METTL15: variants seen among roughly 807,000 people sequenced by gnomAD.
The protein encoded by METTL15 is 12S rRNA N(4)-cytidine methyltransferase METTL15.
METTL15 carries 34 observed loss-of-function variants against 38.3 expected under a neutral mutation model. That is an observed-to-expected ratio of 0.89 (90% confidence interval 0.68 to 1.18). The LOEUF is 1.18. Ranked by LOEUF, METTL15 falls within the 50% of genes most tolerant of loss-of-function variation. The pLI is 0.00. For synonymous variants in METTL15, 162 were observed against 170.9 expected (o/e 0.95, Z 0.41); for missense variants, 438 against 498.4 (o/e 0.88, Z 1.15).
Position 28,486,629 on chromosome 11 carries a change from G to A in METTL15, c.*425-39849G>A, listed in dbSNP as rs77203494. On this transcript the variant is annotated intron_variant and NMD_transcript_variant, in intron 6 of 7. Coordinates refer to the METTL15 transcript ENST00000532947. ...CATCTGCCCTTTAGGCCATCTATGT[G>A]GTTGCCCAGAAGTAACCTCTCATTG... Among the ~76,000 whole-genome samples the A allele has an allele frequency of 5.3e-3, 811 of 152,226 alleles. 5 individuals carry two copies. The highest frequency in any genetic ancestry group is 0.019 in the African/African-American group (782 of 41,534).
chr11:28,471,630 G>C (rs1851303868), intron 6 of METTL15, among the ~76,000 whole-genome samples: 1 of 151,950 alleles, frequency 6.6e-6, no homozygotes, highest in Non-Finnish European at 1.5e-5. Context: ...TAAATCTTTT[G>C]TCATCTCTGG....
chr11:28,487,828 G>A (rs939425946), intron 6 of METTL15, among the ~76,000 whole-genome samples: 2 of 152,092 alleles, frequency 1.3e-5, no homozygotes, highest in Non-Finnish European at 2.9e-5. Context: ...ATTGCATGAA[G>A]TATTAGAAAT....
intron 6 of METTL15, among the ~76,000 whole-genome samples, chr11:28,486,823 C>G (rs1341443243): frequency 1.3e-5 from 2 of 152,148 alleles, no homozygotes; most frequent in African/African-American, 4.8e-5. Context: ...CATGTGGACA[C>G]TGTTCACCTT....
chr11:28,466,920 C>T (rs534792142), intron 6 of METTL15, among the ~76,000 whole-genome samples: 1 of 152,296 alleles, frequency 6.6e-6, no homozygotes, highest in African/African-American at 2.4e-5. Flanking sequence ...AAAACTACCA[C>T]AGCACACATA....
At chr11:28,346,287 C>T (rs1190222661) in intron 3 of METTL15, among the ~76,000 whole-genome samples, 1 of 152,168 alleles carries the variant, frequency 6.6e-6, no homozygotes, top group South Asian at 2.1e-4. Context: ...CTACACTGGG[C>T]ATCTTGAATC....
At chr11:28,328,148 C>T (rs372770178) in intron 6 of METTL15, 25 of 1,610,978 alleles carry the variant, frequency 1.6e-5, no homozygotes, top group Middle Eastern at 3.3e-4. Context: ...GGAAAATGGA[C>T]GAATTGAATA....
At chr11:28,387,543 C>T (rs1006360431) in intron 5 of METTL15, among the ~76,000 whole-genome samples, 3 of 151,844 alleles carry the variant, frequency 2.0e-5, no homozygotes, top group Admixed American at 6.6e-5. Flanking sequence ...GAGATTAAAT[C>T]GGTAATTAAA....
At chr11:28,233,073 C>A (rs188369094) in intron 4 of METTL15, among the ~76,000 whole-genome samples, 1 of 152,092 alleles carries the variant, frequency 6.6e-6, no homozygotes, top group Non-Finnish European at 1.5e-5. Flanking sequence ...CCTTAACAAT[C>A]TTATCACATT....
chr11:28,223,195 A>C (rs1853323447), intron 4 of METTL15, among the ~76,000 whole-genome samples: 1 of 152,146 alleles, frequency 6.6e-6, no homozygotes, highest in East Asian at 1.9e-4. Flanking sequence ...TAATCATGGA[A>C]AACTTGAAAA....
chr11:28,386,524 G>T (rs1850442789), intron 5 of METTL15, among the ~76,000 whole-genome samples: 1 of 151,844 alleles, frequency 6.6e-6, no homozygotes, highest in Non-Finnish European at 1.5e-5. Context: ...TCACCAAGAA[G>T]ATATAACAAT....
intron 6 of METTL15, among the ~76,000 whole-genome samples, chr11:28,476,320 T>G (rs1432238560): frequency 4.6e-5 from 7 of 152,180 alleles, no homozygotes; most frequent in African/African-American, 1.4e-4. Context: ...ATGCTTTCTA[T>G]CATTTATGGA....
chr11:28,431,670 A>C (rs1476356541), intron 6 of METTL15, among the ~76,000 whole-genome samples: 7 of 91,718 alleles, frequency 7.6e-5, no homozygotes, highest in Non-Finnish European at 1.5e-4. Flanking sequence ...TCTGCCTAGG[A>C]AAACCAGAGA....
At chr11:28,306,409 C>G (rs912739429) in intron 6 of METTL15, among the ~76,000 whole-genome samples, 3 of 152,036 alleles carry the variant, frequency 2.0e-5, no homozygotes, top group Non-Finnish European at 4.4e-5. Context: ...ACTAGTTATT[C>G]AGAAGCCTTA....
At chr11:28,378,650 C>G (rs1313209630) in intron 5 of METTL15, among the ~76,000 whole-genome samples, 1 of 152,062 alleles carries the variant, frequency 6.6e-6, no homozygotes, top group East Asian at 1.9e-4. Flanking sequence ...TAGACAGGAG[C>G]TGTTCCTATT....
At chr11:28,466,578 C>T (rs985908685) in intron 6 of METTL15, among the ~76,000 whole-genome samples, 39 of 152,136 alleles carry the variant, frequency 2.6e-4, no homozygotes, top group Admixed American at 2.4e-3. Context: ...CTATGTAATT[C>T]TGTAATCCAA....
chr11:28,520,072 G>C (rs943126291), intron 6 of METTL15, among the ~76,000 whole-genome samples: 1 of 152,208 alleles, frequency 6.6e-6, no homozygotes, highest in Non-Finnish European at 1.5e-5. Context: ...AGTTGTGTTA[G>C]GTCACGCCTG....
chr11:28,246,914 C>A (rs1435846713), intron 4 of METTL15, among the ~76,000 whole-genome samples: 1 of 152,072 alleles, frequency 6.6e-6, no homozygotes, highest in African/African-American at 2.4e-5. Flanking sequence ...AATATAAAAA[C>A]AATACTTGAT....
chr11:28,375,612 A>T (rs945504696), intron 5 of METTL15, among the ~76,000 whole-genome samples: 4 of 152,042 alleles, frequency 2.6e-5, no homozygotes, highest in Non-Finnish European at 5.9e-5. Flanking sequence ...CCTTTCAAAA[A>T]ACCAGCTCCT....
intron 5 of METTL15, among the ~76,000 whole-genome samples, chr11:28,393,757 C>G (rs1264646798): frequency 6.6e-6 from 1 of 152,042 alleles, no homozygotes; most frequent in Non-Finnish European, 1.5e-5. Context: ...CTTTTGGTCA[C>G]TTAGGTATGC....
Sources: allele counts gnomAD v4.1 joint callset (sites outside exome capture counted in the v4.1 genomes callset), GRCh38; gene constraint gnomAD v4.1.1; transcripts MANE v1.5; gene names NCBI Gene and HGNC (gene_info 2026-07-23, HGNC 2026-07-21).